Variants in METTL21A observed in about 807,000 individuals in gnomAD.
METTL21A encodes methyltransferase 21A, HSPA lysine.
In METTL21A, 22 loss-of-function variants were observed where a neutral mutation model predicts 20.9. That is an observed-to-expected ratio of 1.05 (90% CI 0.75 to 1.50). The LOEUF is 1.50. METTL21A is among the 40% of genes most tolerant of loss of function. The pLI is 0.00. For missense variants in METTL21A, 271 were observed against 266.8 expected, an observed-to-expected ratio of 1.02 and a Z score of -0.11; for synonymous variants, 93 against 102.0, an observed-to-expected ratio of 0.91 and a Z score of 0.53.
chr2:207,584,151 T>C (rs527492081), intron 3 of METTL21A, among the ~76,000 whole-genome samples: 1 of 152,238 alleles, frequency 6.6e-6, no homozygotes, highest in Non-Finnish European at 1.5e-5. Context: ...GAACTTTCCA[T>C]TAACATGAGT....
intron 3 of METTL21A, among the ~76,000 whole-genome samples, chr2:207,588,737 T>TG (rs199576312): frequency 0.054 from 8,054 of 148,512 alleles, 282 homozygotes; most frequent in Non-Finnish European, 0.073. Context: ...GGTTTTTTTT[T>TG]TTTTTGTGTG....
chr2:207,615,041 C>T (rs1360252236), intron 3 of METTL21A, among the ~76,000 whole-genome samples: 1 of 152,102 alleles, frequency 6.6e-6, no homozygotes, highest in African/African-American at 2.4e-5. Flanking sequence ...ATTTACAGTC[C>T]TACTATGAGA....
At chr2:207,587,379 C>T (rs559120224) in intron 3 of METTL21A, among the ~76,000 whole-genome samples, 10 of 144,656 alleles carry the variant, frequency 6.9e-5, no homozygotes, top group South Asian at 2.2e-4. Flanking sequence ...GGTGACGGAA[C>T]GAGACTCCAT....
At chr2:207,590,945 A>T (rs1206510087) in intron 3 of METTL21A, among the ~76,000 whole-genome samples, 1 of 152,124 alleles carries the variant, frequency 6.6e-6, no homozygotes, top group African/African-American at 2.4e-5. Context: ...CAGTTTAAAA[A>T]TTTTTTTATT....
At chr2:207,624,122 T>C in intron 2 of METTL21A, 107 bp downstream of exon 2, 2 of 1,316,670 alleles carry the variant, frequency 1.5e-6, no homozygotes, top group Non-Finnish European at 2.1e-6. Flanking sequence ...AGGTAAAGTG[T>C]ATGCTATGTG....
chr2:207,596,055 ATCCAATG>A (rs1333010796), intron 3 of METTL21A, among the ~76,000 whole-genome samples: 2 of 152,206 alleles, frequency 1.3e-5, no homozygotes, highest in Non-Finnish European at 2.9e-5. Context: ...TTACTGCCAA[ATCCAATG>A]TCAGAGAGTG....
At chr2:207,604,293 A>G (rs2087667451), downstream of METTL21A, among the ~76,000 whole-genome samples, 2 of 151,872 alleles carry the variant, frequency 1.3e-5, no homozygotes, top group Admixed American at 6.6e-5. Context: ...GACTTAACAT[A>G]TGTCTTTTAC....
chr2:207,618,947 T>A (rs2090136358), intron 3 of METTL21A, among the ~76,000 whole-genome samples: 1 of 151,904 alleles, frequency 6.6e-6, no homozygotes, highest in Non-Finnish European at 1.5e-5. Flanking sequence ...CTAAGCACAA[T>A]CCATTAGCTT....
At chr2:207,612,961 G>A in exon 4 of METTL21A, 2 of 1,372,142 alleles carry the variant, frequency 1.5e-6, no homozygotes, top group African/African-American at 1.4e-5. Flanking sequence ...TGTACAGTAA[G>A]ACATTTCATT....
intron 3 of METTL21A, among the ~76,000 whole-genome samples, chr2:207,584,995 C>T (rs2083563133): frequency 6.6e-6 from 1 of 151,978 alleles, no homozygotes; most frequent in Admixed American, 6.6e-5. Context: ...CCTGGATAGG[C>T]CCAGCCCACT....
chr2:207,621,277 A>G (rs759148815), intron 3 of METTL21A, among the ~76,000 whole-genome samples: 15 of 152,246 alleles, frequency 9.9e-5, no homozygotes, highest in Non-Finnish European at 1.9e-4. Flanking sequence ...ATCAAGTCAG[A>G]ACTGTATACT....
intron 3 of METTL21A, chr2:207,620,525 G>T (rs1450946734): frequency 7.5e-6 from 4 of 534,930 alleles, no homozygotes; most frequent in Non-Finnish European, 1.2e-5. Context: ...TTGAGTCCCA[G>T]ATCTCCAGTG....
At chr2:207,606,745 T>A (rs1307268785), downstream of METTL21A, among the ~76,000 whole-genome samples, 1 of 152,170 alleles carries the variant, frequency 6.6e-6, no homozygotes, top group Non-Finnish European at 1.5e-5. Flanking sequence ...TGAAGTCCTA[T>A]ATCTAGGGCC....
At chr2:207,606,663 C>G (rs1398267621), downstream of METTL21A, among the ~76,000 whole-genome samples, 1 of 152,090 alleles carries the variant, frequency 6.6e-6, no homozygotes, top group Non-Finnish European at 1.5e-5. Context: ...GGTAGAGGTT[C>G]TGGGGAGCAG....
rs142539538 is a variant in METTL21A, at chr2:207,589,698, A to G, written c.260-7538T>C. Among the ~76,000 whole-genome samples, 198 of 152,300 alleles carry G rather than the reference A, an allele frequency of 1.3e-3. No homozygotes were observed. The East Asian group carries it at 0.031, about 24-fold the overall frequency. On this transcript the variant is annotated intron_variant, in intron 3 of 3. Transcript: ENST00000425132. ...GTTTAATCTTGTCAAATGCTTTTCCAGAATCTACTGAGGTGATCGTGTTGT... is the reference window on the plus strand; with the variant it reads ...GTTTAATCTTGTCAAATGCTTTTCCGGAATCTACTGAGGTGATCGTGTTGT...
chr2:207,581,432 A>G (rs573026436), downstream of METTL21A: 18 of 202,106 alleles, frequency 8.9e-5, no homozygotes, highest in Non-Finnish European at 1.4e-4. Flanking sequence ...GAGTATTTAC[A>G]TTACTATCAG....
chr2:207,581,700 A>G, exon 4 of METTL21A: 2 of 581,908 alleles, frequency 3.4e-6, no homozygotes, highest in South Asian at 4.6e-5. Context: ...TTAGTATATT[A>G]CATAACCAGG....
At chr2:207,582,750 C>A in intron 3 of METTL21A, 1 of 189,418 alleles carries the variant, frequency 5.3e-6, no homozygotes, top group Non-Finnish European at 1.1e-5. Flanking sequence ...AAAATTTAGC[C>A]GGGGTGGTGG....
At chr2:207,618,756 C>G (rs2090111316) in intron 3 of METTL21A, among the ~76,000 whole-genome samples, 1 of 150,150 alleles carries the variant, frequency 6.7e-6, no homozygotes. Flanking sequence ...CTCTCTCTCT[C>G]TCTAAAAAAT....
Sources: gnomAD v4.1 joint callset for allele counts (sites outside exome capture counted in the v4.1 genomes callset) on GRCh38, gnomAD v4.1.1 for gene constraint, MANE v1.5 for transcripts, NCBI Gene and HGNC (gene_info 2026-07-23, HGNC 2026-07-21) for gene names.